Variants in INSR observed in about 807,000 individuals in gnomAD.
INSR encodes the protein IR.
INSR carries 67 observed loss-of-function variants against 142.6 expected under a neutral mutation model. That is an observed-to-expected ratio of 0.47 (90% CI 0.39 to 0.58). INSR has a LOEUF of 0.58. INSR is among the 20% of genes least tolerant of loss of function. INSR has a pLI of 0.00. For missense variants in INSR, 1,248 were observed against 1,833.2 expected, an observed-to-expected ratio of 0.68 and a Z score of 5.83; for synonymous variants, 756 against 743.1, an observed-to-expected ratio of 1.02 and a Z score of -0.28.
intron 2 of INSR, among the ~76,000 whole-genome samples, chr19:7,250,664 C>T (rs906150310): frequency 3.3e-5 from 5 of 151,580 alleles, no homozygotes; most frequent in Admixed American, 6.6e-5. Flanking sequence ...GTTTAAAAAA[C>T]GGTGTGTTTT....
At position 7,150,394 on chromosome 19, in the gene INSR, A is replaced by C. The variant is rs2144882202; in HGVS notation, c.2267+103T>G. The C allele has an allele frequency of 9.8e-7, 1 of 1,017,794 alleles. No individual in the cohort carries two copies. Among genetic ancestry groups the C allele is most frequent in the South Asian group, 1.3e-5 (1 of 75,914 alleles). 63.0% of individuals were successfully genotyped at this position (1,017,794 alleles called of 1,614,324 possible). On this transcript the variant is annotated intron_variant, in intron 11 of 21. Coordinates refer to ENST00000302850, the MANE Select transcript of INSR (RefSeq NM_000208.4). The surrounding 1 kb of genome is among the most constrained non-coding windows in gnomAD (Gnocchi z 4.2). The stretch of plus-strand genomic sequence containing the variant: ...GCTCTCCAGCACAGCTGCCCGCCGC[A>C]TGCAAAAAGCCACAGAAACCCCTGG...
At chr19:7,273,143 T>C (rs62109586) in intron 1 of INSR, among the ~76,000 whole-genome samples, 42,964 of 152,144 alleles carry the variant, frequency 0.28, 6,203 homozygotes, top group Non-Finnish European at 0.3. Flanking sequence ...TTGTATGTCA[T>C]GTGAATTCTG....
chr19:7,166,226 C>G lies in INSR; in HGVS notation c.1789G>C (p.Val597Leu). ...TQYAIFVKTL[V>L]TFSDERRTYG... ...GTCCGGCGTTCATCCGAAAAGGTGA[C>G]CAGGGTCTTCACAAAGATGGCATAC... Residue 597 changes from valine (V) to leucine (L), a missense_variant, in exon 8 of 22, where the codon GTC (valine) becomes CTC (leucine). Val to Leu is a conservative substitution (Grantham distance 32). Coordinates refer to ENST00000302850, the MANE Select transcript of INSR (RefSeq NM_000208.4). This position sits in a 1 kb window ranked among gnomAD's most constrained non-coding sequence, Gnocchi z 4.1. 1 of 1,614,042 alleles carries G rather than the reference C, an allele frequency of 6.2e-7. No individual in the cohort carries two copies. The highest frequency in any genetic ancestry group is 1.3e-5 in the African/African-American group (1 of 74,998).
At chr19:7,233,662 TTCTG>T in intron 2 of INSR, among the ~76,000 whole-genome samples, 2 of 141,718 alleles carry the variant, frequency 1.4e-5, no homozygotes, top group South Asian at 2.2e-4. Flanking sequence ...TTTTTTCTTT[TTCTG>T]TCTTTTTTTT....
intron 13 of INSR, among the ~76,000 whole-genome samples, chr19:7,136,418 A>G (rs1359187296): frequency 2.0e-5 from 3 of 152,032 alleles, no homozygotes; most frequent in African/African-American, 7.2e-5. Flanking sequence ...TGGACATTGA[A>G]AATCTCACAT....
chr19:7,178,186 C>A (rs1974184912), intron 3 of INSR, among the ~76,000 whole-genome samples: 1 of 131,672 alleles, frequency 7.6e-6, no homozygotes, highest in Non-Finnish European at 1.5e-5. Flanking sequence ...ACCCTTGGAA[C>A]TTTCTGAGTC....
At chr19:7,207,940 G>GGAAGGAA (rs879531050) in intron 2 of INSR, among the ~76,000 whole-genome samples, 20 of 102,094 alleles carry the variant, frequency 2.0e-4, no homozygotes, top group South Asian at 1.6e-3. Flanking sequence ...AAGGAAGGAA[G>GGAAGGAA]GGAAGGAGGG....
intron 2 of INSR, among the ~76,000 whole-genome samples, chr19:7,261,040 A>G (rs1977045255): frequency 6.6e-6 from 1 of 151,974 alleles, no homozygotes; most frequent in African/African-American, 2.4e-5. Context: ...GGCACCTGCC[A>G]CCATGCCTGG....
chr19:7,232,080 G>A (rs1975997880), intron 2 of INSR, among the ~76,000 whole-genome samples: 1 of 151,944 alleles, frequency 6.6e-6, no homozygotes, highest in South Asian at 2.1e-4. Flanking sequence ...CATTCCCGGG[G>A]GTACTGGGAA....
At chr19:7,212,834 A>C (rs1206108549) in intron 2 of INSR, among the ~76,000 whole-genome samples, 1 of 151,648 alleles carries the variant, frequency 6.6e-6, no homozygotes, top group Non-Finnish European at 1.5e-5. Context: ...TGATCCACCA[A>C]CCTCAGCCTC....
intron 1 of INSR, among the ~76,000 whole-genome samples, chr19:7,285,466 A>G (rs1458048919): frequency 7.2e-5 from 11 of 151,938 alleles, no homozygotes; most frequent in Admixed American, 5.3e-4. Context: ...AAATAAATAA[A>G]TAAATAAATA....
chr19:7,121,626 C>T (rs1972494758), intron 19 of INSR, among the ~76,000 whole-genome samples: 1 of 152,018 alleles, frequency 6.6e-6, no homozygotes, highest in Non-Finnish European at 1.5e-5. Flanking sequence ...ACCACCACAC[C>T]CCACTTTTTA....
Position 7,162,184 on chromosome 19 carries a change from G to A in INSR, c.2029+848C>T, listed in dbSNP as rs1457230808. Among the ~76,000 whole-genome samples the A allele has an allele frequency of 2.6e-5, 4 of 151,974 alleles. No homozygotes were observed. The South Asian group carries it at 6.2e-4, about 24-fold the overall frequency. On this transcript the variant is annotated intron_variant, in intron 9 of 21. Transcript: ENST00000302850. Reference sequence around the variant, plus strand: ...TCTACTAAAAATACAAAAATTAGCCGGGTGTGGTGGCAGGCGCCTGTAGTC... The same window carrying A: ...TCTACTAAAAATACAAAAATTAGCCAGGTGTGGTGGCAGGCGCCTGTAGTC...
At chr19:7,174,519 G>C in intron 4 of INSR, 64 bp downstream of exon 4, 1 of 1,586,300 alleles carries the variant, frequency 6.3e-7, no homozygotes, top group Non-Finnish European at 8.7e-7. Flanking sequence ...TTTCTTCCCC[G>C]CTCACAGCTC....
intron 9 of INSR, among the ~76,000 whole-genome samples, chr19:7,155,239 A>G (rs910167106): frequency 3.3e-5 from 5 of 151,988 alleles, no homozygotes; most frequent in African/African-American, 1.2e-4. Context: ...TTCTTGGCAC[A>G]TTAAAAAACG....
At chr19:7,277,065 A>T (rs1312931486) in intron 1 of INSR, among the ~76,000 whole-genome samples, 1 of 152,074 alleles carries the variant, frequency 6.6e-6, no homozygotes, top group African/African-American at 2.4e-5. Flanking sequence ...CAGCATAATG[A>T]AACCTACAAA....
intron 2 of INSR, among the ~76,000 whole-genome samples, chr19:7,241,546 C>T (rs7246346): frequency 0.064 from 9,770 of 151,520 alleles, 979 homozygotes; most frequent in African/African-American, 0.21. Flanking sequence ...CACTTGAACC[C>T]GGGAGGCAGA....
intron 2 of INSR, among the ~76,000 whole-genome samples, chr19:7,188,559 A>G (rs911530965): frequency 2.0e-5 from 3 of 151,028 alleles, no homozygotes; most frequent in African/African-American, 7.3e-5. Flanking sequence ...AAAAAAAAAA[A>G]AAAAACAAGA....
At chr19:7,118,243 A>C (rs1335499490) in intron 21 of INSR, among the ~76,000 whole-genome samples, 5 of 150,996 alleles carry the variant, frequency 3.3e-5, no homozygotes, top group African/African-American at 9.8e-5. Context: ...CTTCATCTAA[A>C]TATATATATA....
Sources: allele counts gnomAD v4.1 joint callset (sites outside exome capture counted in the v4.1 genomes callset), GRCh38; gene constraint gnomAD v4.1.1; non-coding constraint Gnocchi (gnomAD v3.1); transcripts MANE v1.5; gene names NCBI Gene and HGNC (gene_info 2026-07-23, HGNC 2026-07-21).